The following HECW1 variants were observed in gnomAD, a reference collection of about 807,000 sequenced individuals.
The protein encoded by HECW1 is E3 ubiquitin-protein ligase HECW1.
A neutral mutation model predicts 182.3 loss-of-function variants in HECW1; 61 were observed. The ratio of observed to expected loss-of-function variants is 0.33; its 90% CI spans 0.27 to 0.41. The LOEUF (loss-of-function observed/expected upper bound fraction) is 0.41. Ranked by LOEUF, HECW1 falls within the 10% of genes least tolerant of loss-of-function variation. The pLI, the probability that HECW1 is intolerant of heterozygous loss-of-function variation, is 1.00. For synonymous variants in HECW1, 859 were observed against 832.6 expected (o/e 1.03, Z -0.55); for missense variants, 1,739 against 2,108.9 (o/e 0.82, Z 3.44).
At chr7:43,491,742 GCCA>G (rs2078939556) in intron 17 of HECW1, among the ~76,000 whole-genome samples, 1 of 152,104 alleles carries the variant, frequency 6.6e-6, no homozygotes, top group Admixed American at 6.5e-5. Flanking sequence ...ACAGGCATCT[GCCA>G]CCACATCTGG....
chr7:43,486,579 G>A (rs2078652653), intron 17 of HECW1, among the ~76,000 whole-genome samples: 1 of 152,212 alleles, frequency 6.6e-6, no homozygotes, highest in Admixed American at 6.5e-5. Flanking sequence ...GGGATTACAG[G>A]CGTGAGCCAC....
In HECW1 at chr7:43,135,361, T is replaced by C. The variant is rs138393344; in HGVS notation, c.-32+20970T>C. ...TTCCTCTGTTAGATCTGGAATGTTA[T>C]TGTAATGGCTAGAGTGCCAGCAGCC... On this transcript the variant is annotated intron_variant, in intron 2 of 29. Coordinates refer to ENST00000395891, the MANE Select transcript of HECW1 (RefSeq NM_015052.5). Among the ~76,000 whole-genome samples, 5 of 152,222 alleles carry C rather than the reference T, an allele frequency of 3.3e-5. No homozygotes were observed. In the East Asian group the frequency reaches 5.8e-4, roughly 18 times the overall value.
chr7:43,325,850 A>G (rs1328476069), intron 5 of HECW1, among the ~76,000 whole-genome samples: 2 of 152,088 alleles, frequency 1.3e-5, no homozygotes, highest in South Asian at 2.1e-4. Context: ...AGATTGCTGC[A>G]CGCTGTGGTC....
intron 4 of HECW1, 89 bp from the exon 5 acceptor site, chr7:43,320,546 A>G: frequency 1.1e-6 from 1 of 892,988 alleles, no homozygotes; most frequent in Non-Finnish European, 1.8e-6. Context: ...TGGAAGCAGC[A>G]TTTGTATCCT....
At chr7:43,545,474 G>C (rs762509195) in intron 26 of HECW1, among the ~76,000 whole-genome samples, 1 of 151,994 alleles carries the variant, frequency 6.6e-6, no homozygotes, top group Non-Finnish European at 1.5e-5. Flanking sequence ...ATGTACAGTT[G>C]ACCCTTCAAA....
At chr7:43,332,085 A>C (rs965816924) in intron 5 of HECW1, among the ~76,000 whole-genome samples, 2 of 152,184 alleles carry the variant, frequency 1.3e-5, no homozygotes, top group Non-Finnish European at 2.9e-5. Context: ...TCTGCTGACC[A>C]TTCTACAGTG....
At chr7:43,450,983 A>T in intron 12 of HECW1, 54 bp downstream of exon 12, 1 of 1,229,308 alleles carries the variant, frequency 8.1e-7, no homozygotes, top group Admixed American at 1.7e-5. Context: ...AAGTCTAAGC[A>T]GGTCAGTATG....
intron 2 of HECW1, among the ~76,000 whole-genome samples, chr7:43,205,907 C>G (rs1384710997): frequency 6.6e-6 from 1 of 152,162 alleles, no homozygotes; most frequent in Non-Finnish European, 1.5e-5. Flanking sequence ...CTGAGCACAG[C>G]TGGGCCCCAT....
intron 11 of HECW1, among the ~76,000 whole-genome samples, chr7:43,447,553 G>A (rs763562252): frequency 6.6e-6 from 1 of 152,106 alleles, no homozygotes; most frequent in Non-Finnish European, 1.5e-5. Flanking sequence ...GATTCCCGAG[G>A]GGTCTCTTGA....
chr7:43,508,240 C>A, intron 23 of HECW1, 109 bp downstream of exon 23: 1 of 651,312 alleles, frequency 1.5e-6, no homozygotes, highest in Non-Finnish European at 2.7e-6. Context: ...AGTCTTCACC[C>A]CAATGCGATT....
chr7:43,541,101 A>G, intron 24 of HECW1, 62 bp from the exon 25 acceptor site: 2 of 1,325,642 alleles, frequency 1.5e-6, no homozygotes, highest in South Asian at 2.3e-5. Context: ...AAAAGTGCAA[A>G]CTAAAATATT....
At chr7:43,486,795 GA>G (rs1188169794) in intron 17 of HECW1, among the ~76,000 whole-genome samples, 2 of 152,186 alleles carry the variant, frequency 1.3e-5, no homozygotes, top group African/African-American at 4.8e-5. Flanking sequence ...GACACAGATG[GA>G]AAAGCATAAT....
intron 6 of HECW1, among the ~76,000 whole-genome samples, chr7:43,373,300 C>G (rs879521042): frequency 6.1e-5 from 9 of 148,370 alleles, no homozygotes; most frequent in South Asian, 2.1e-4. Context: ...ACCTCTGCCT[C>G]TTAGATTCAA....
At chr7:43,281,890 C>T (rs1164225085) in intron 3 of HECW1, among the ~76,000 whole-genome samples, 1 of 151,854 alleles carries the variant, frequency 6.6e-6, no homozygotes, top group Non-Finnish European at 1.5e-5. Context: ...CTTATGGCAT[C>T]CTGCATGTGC....
chr7:43,172,914 A>G (rs1206556393), intron 2 of HECW1, among the ~76,000 whole-genome samples: 3 of 152,194 alleles, frequency 2.0e-5, no homozygotes, highest in African/African-American at 7.2e-5. Flanking sequence ...CAGCTAGACC[A>G]TTTCACATTC....
At chr7:43,211,790 T>C (rs761103148) in intron 2 of HECW1, among the ~76,000 whole-genome samples, 1 of 152,178 alleles carries the variant, frequency 6.6e-6, no homozygotes, top group Non-Finnish European at 1.5e-5. Flanking sequence ...CAAGACATCA[T>C]AAACCCTTTG....
intron 20 of HECW1, among the ~76,000 whole-genome samples, 170 bp from the exon 21 acceptor site, chr7:43,501,043 G>T (rs1161007095): frequency 6.6e-6 from 1 of 152,142 alleles, no homozygotes; most frequent in Non-Finnish European, 1.5e-5. Context: ...ACAACACTGA[G>T]AATTTGCAAG....
At chr7:43,121,547 A>C in intron 2 of HECW1, among the ~76,000 whole-genome samples, 1 of 152,150 alleles carries the variant, frequency 6.6e-6, no homozygotes, top group African/African-American at 2.4e-5. Context: ...GTAAACATAT[A>C]GTGATATGTA....
At chr7:43,259,208 G>A (rs762655150) in intron 3 of HECW1, among the ~76,000 whole-genome samples, 3 of 152,134 alleles carry the variant, frequency 2.0e-5, no homozygotes, top group South Asian at 2.1e-4. Flanking sequence ...CCGACATGGC[G>A]AAACCCTGTC....
Sources: gnomAD v4.1 joint callset for allele counts (sites outside exome capture counted in the v4.1 genomes callset) on GRCh38, gnomAD v4.1.1 for gene constraint, MANE v1.5 for transcripts, NCBI Gene and HGNC (gene_info 2026-07-23, HGNC 2026-07-21) for gene names.